The following ST6GALNAC3 variants were observed in gnomAD, a reference collection of about 807,000 sequenced individuals.
ST6GALNAC3 encodes the protein ST6 N-acetylgalactosaminide alpha-2,6-sialyltransferase 3, also known as alpha-N-acetylgalactosaminide alpha-2,6-sialyltransferase 3.
In ST6GALNAC3, 25 loss-of-function variants were observed where a neutral mutation model predicts 32.7. The observed-to-expected ratio is 0.76, with a 90% CI of 0.56 to 1.07. The LOEUF is 1.07. Among genes scored for constraint, ST6GALNAC3 ranks in the 50% least tolerant of loss-of-function variants. The pLI is 0.00. For synonymous variants in ST6GALNAC3, 129 were observed against 133.1 expected (o/e 0.97, Z 0.21); for missense variants, 355 against 382.4 (o/e 0.93, Z 0.60).
Position 76,628,995 on chromosome 1 carries a change from T to C in ST6GALNAC3, c.*189T>C. 7.1e-7 allele frequency: 1 copy of C among 1,399,406 alleles called. No homozygotes were observed. The highest frequency in any genetic ancestry group is 9.2e-7 in the Non-Finnish European group (1 of 1,083,378). The allele number at this position is 1,399,406 out of a possible 1,614,324, so 86.7% of individuals were successfully genotyped here. ...AACTTGGCATTTCATGGAGGATGGT[T>C]GTGCTCATGATGTTCTTTCTGGAGG... On this transcript the variant is annotated 3_prime_UTR_variant, in exon 5 of 5. Coordinates refer to ENST00000328299, the MANE Select transcript of ST6GALNAC3 (RefSeq NM_152996.4).
chr1:76,126,448 C>CTTTG (rs1649254491), intron 1 of ST6GALNAC3, among the ~76,000 whole-genome samples: 1 of 150,964 alleles, frequency 6.6e-6, no homozygotes, highest in African/African-American at 2.4e-5. Context: ...TCCTTCCTTC[C>CTTTG]TTCCTCTCTC....
chr1:76,126,491 T>C (rs1194085525), intron 1 of ST6GALNAC3, among the ~76,000 whole-genome samples: 1 of 150,080 alleles, frequency 6.7e-6, no homozygotes, highest in Admixed American at 6.6e-5. Context: ...CGAATGAATA[T>C]ACCTTGTAGA....
intron 3 of ST6GALNAC3, among the ~76,000 whole-genome samples, chr1:76,427,547 A>G (rs956034075): frequency 6.6e-6 from 1 of 152,084 alleles, no homozygotes; most frequent in African/African-American, 2.4e-5. Flanking sequence ...TCTCCAAACT[A>G]TATGAGTACA....
At chr1:76,495,705 T>A (rs987822706) in intron 3 of ST6GALNAC3, among the ~76,000 whole-genome samples, 2 of 152,122 alleles carry the variant, frequency 1.3e-5, no homozygotes, top group African/African-American at 4.8e-5. Context: ...TAAAGTCAAC[T>A]CGAAAATTGT....
chr1:76,578,993 G>A (rs315031), intron 3 of ST6GALNAC3, among the ~76,000 whole-genome samples: 44,719 of 151,770 alleles, frequency 0.29, 7,206 homozygotes, highest in African/African-American at 0.44. Flanking sequence ...TTTTCATTCT[G>A]TCGTGCTTAC....
intron 1 of ST6GALNAC3, among the ~76,000 whole-genome samples, chr1:76,112,164 G>A (rs1419204155): frequency 7.0e-6 from 1 of 142,790 alleles, no homozygotes; most frequent in Non-Finnish European, 1.5e-5. Flanking sequence ...CCGGGCAGAG[G>A]GGCTCCTCTC....
intron 3 of ST6GALNAC3, among the ~76,000 whole-genome samples, chr1:76,510,173 A>C (rs1409944595): frequency 6.6e-6 from 1 of 152,184 alleles, no homozygotes; most frequent in African/African-American, 2.4e-5. Flanking sequence ...TTTCCCTGTT[A>C]GAGTAAGTAA....
At chr1:76,304,143 C>A (rs1227978820) in intron 1 of ST6GALNAC3, among the ~76,000 whole-genome samples, 1 of 151,344 alleles carries the variant, frequency 6.6e-6, no homozygotes, top group South Asian at 2.1e-4. Flanking sequence ...ATCATTTAAT[C>A]CCTCTGTCCT....
intron 1 of ST6GALNAC3, among the ~76,000 whole-genome samples, chr1:76,201,868 C>T (rs186824757): frequency 1.5e-4 from 23 of 152,184 alleles, no homozygotes; most frequent in Non-Finnish European, 2.5e-4. Flanking sequence ...GTGGCAACTT[C>T]AAGTTTATAA....
chr1:76,307,064 AG>A (rs1661104116), intron 1 of ST6GALNAC3, among the ~76,000 whole-genome samples: 1 of 152,146 alleles, frequency 6.6e-6, no homozygotes, highest in Non-Finnish European at 1.5e-5. Context: ...ATAGAGCTGA[AG>A]ACTGATATTG....
intron 3 of ST6GALNAC3, among the ~76,000 whole-genome samples, chr1:76,522,713 T>C (rs1257180435): frequency 1.3e-5 from 2 of 152,210 alleles, no homozygotes; most frequent in African/African-American, 2.4e-5. Context: ...CTTCCATGTT[T>C]CCAATTGAAG....
chr1:76,424,881 AT>A (rs1420126027), intron 3 of ST6GALNAC3, among the ~76,000 whole-genome samples: 1 of 151,798 alleles, frequency 6.6e-6, no homozygotes, highest in Non-Finnish European at 1.5e-5. Flanking sequence ...TTCTAAAGAG[AT>A]TTTTGTTTTG....
At chr1:76,274,282 A>G (rs1360142599) in intron 1 of ST6GALNAC3, among the ~76,000 whole-genome samples, 1 of 152,144 alleles carries the variant, frequency 6.6e-6, no homozygotes, top group African/African-American at 2.4e-5. Context: ...AAATTTTTAA[A>G]GTTTTTATAA....
At chr1:76,437,640 T>A (rs1040373329) in intron 3 of ST6GALNAC3, among the ~76,000 whole-genome samples, 4 of 151,090 alleles carry the variant, frequency 2.6e-5, no homozygotes, top group Non-Finnish European at 1.5e-5. Flanking sequence ...TGCAGTGACA[T>A]GATCTCGGCT....
At chr1:76,440,567 T>C (rs1213225789) in intron 3 of ST6GALNAC3, among the ~76,000 whole-genome samples, 2 of 152,242 alleles carry the variant, frequency 1.3e-5, no homozygotes, top group African/African-American at 4.8e-5. Context: ...CTGTATTTTG[T>C]AGAATCTTTT....
At chr1:76,491,989 A>G (rs1045594502) in intron 3 of ST6GALNAC3, among the ~76,000 whole-genome samples, 5 of 152,200 alleles carry the variant, frequency 3.3e-5, no homozygotes, top group Non-Finnish European at 5.9e-5. Flanking sequence ...AAAATTTCCA[A>G]TTAAACATCC....
Position 76,633,041 on chromosome 1 carries a change from TA to T in ST6GALNAC3, c.*4236del, listed in dbSNP as rs1292121003. On this transcript the variant is annotated 3_prime_UTR_variant, in exon 5 of 5. Transcript: ENST00000328299. ...AGGAGCCAGTGCTAGCCTTTTTAAG[TA>T]GGTCAGGCTTTTAGAGCTGAAAGAG... The T allele has an allele frequency of 6.6e-6, 1 of 152,186 alleles. No individual in the cohort carries two copies. Among genetic ancestry groups the T allele is most frequent in the Non-Finnish European group, 1.5e-5 (1 of 68,046 alleles). The allele number at this position is 152,186 out of a possible 1,614,324, so 9.4% of individuals were successfully genotyped here.
chr1:76,462,060 G>T (rs187074063), intron 3 of ST6GALNAC3, among the ~76,000 whole-genome samples: 1 of 151,936 alleles, frequency 6.6e-6, no homozygotes, highest in African/African-American at 2.4e-5. Flanking sequence ...CACCCTGTAC[G>T]TGCTTCTTCT....
intron 2 of ST6GALNAC3, among the ~76,000 whole-genome samples, chr1:76,370,427 A>G (rs924850941): frequency 1.3e-5 from 2 of 152,124 alleles, no homozygotes; most frequent in Admixed American, 6.6e-5. Flanking sequence ...TTCATCTTCA[A>G]TGGTTAATTC....
Sources: allele counts gnomAD v4.1 joint callset (sites outside exome capture counted in the v4.1 genomes callset), GRCh38; gene constraint gnomAD v4.1.1; transcripts MANE v1.5; gene names NCBI Gene and HGNC (gene_info 2026-07-23, HGNC 2026-07-21).